Variants in SRGAP2C observed in about 807,000 individuals in gnomAD.
SRGAP2C encodes the protein SLIT-ROBO Rho GTPase activating protein 2C.
SRGAP2C carries 15 observed loss-of-function variants against 25.1 expected under a neutral mutation model. The observed-to-expected ratio is 0.60, with a 90% confidence interval of 0.40 to 0.92. The LOEUF (loss-of-function observed/expected upper bound fraction) is 0.92, where lower values mean the gene tolerates loss of function less well. SRGAP2C is among the 40% of genes least tolerant of loss of function. SRGAP2C has a pLI of 0.00. For missense variants in SRGAP2C, 144 were observed against 264.4 expected, an observed-to-expected ratio of 0.54 and a Z score of 3.16; for synonymous variants, 44 against 96.6, an observed-to-expected ratio of 0.46 and a Z score of 3.19.
At chr1:121,368,297 C>T (rs1437725596) in intron 5 of SRGAP2C, among the ~76,000 whole-genome samples, 1 of 121,264 alleles carries the variant, frequency 8.2e-6, no homozygotes, top group Non-Finnish European at 1.7e-5. Context: ...CCCAGCTACT[C>T]AGGAGGCTGA....
At chr1:121,353,038 C>T (rs587598795) in intron 4 of SRGAP2C, among the ~76,000 whole-genome samples, 119 of 150,282 alleles carry the variant, frequency 7.9e-4, no homozygotes, top group East Asian at 3.5e-3. Flanking sequence ...TGCAGTGAAA[C>T]GAGATCAAGC....
chr1:121,208,625 G>T (rs1242482584), intron 2 of SRGAP2C, among the ~76,000 whole-genome samples: 2 of 152,170 alleles, frequency 1.3e-5, no homozygotes, highest in Non-Finnish European at 1.5e-5. Flanking sequence ...ACAAAATGAG[G>T]TCATACCAAT....
chr1:121,223,926 G>T (rs1321951642), intron 2 of SRGAP2C, among the ~76,000 whole-genome samples: 2 of 115,112 alleles, frequency 1.7e-5, no homozygotes, highest in Non-Finnish European at 3.5e-5. Context: ...ATAATTAATA[G>T]TCTGGTCTAA....
At chr1:121,308,850 A>T (rs1160827430) in intron 3 of SRGAP2C, among the ~76,000 whole-genome samples, 1 of 143,960 alleles carries the variant, frequency 6.9e-6, no homozygotes, top group Non-Finnish European at 1.5e-5. Context: ...GAGGCAGGAG[A>T]ATCGCTTGAA....
At chr1:121,321,779 T>A (rs1174359394) in intron 3 of SRGAP2C, among the ~76,000 whole-genome samples, 1 of 152,128 alleles carries the variant, frequency 6.6e-6, no homozygotes, top group East Asian at 1.9e-4. Context: ...AGCCATCCTG[T>A]TTATTGACCC....
Position 121,391,060 on chromosome 1 carries a change from T to G in SRGAP2C, c.*3205T>G, listed in dbSNP as rs1553357654. ...TGCCTAAAAAAAAAAAAAGAAAGAT[T>G]AAAAAATAAATAAATCTGCTGGGCG... On this transcript the variant is annotated 3_prime_UTR_variant, in exon 10 of 10. Transcript: ENST00000367123. The G allele has an allele frequency of 7.7e-6, 1 of 129,266 alleles. No individual in the cohort carries two copies. The highest frequency in any genetic ancestry group is 2.9e-5 in the African/African-American group (1 of 34,310). 8.0% of individuals were successfully genotyped at this position (129,266 alleles called of 1,614,324 possible). A position where few individuals can be genotyped will look rare whatever the true frequency, so the allele number is the denominator to read the frequency against.
intron 2 of SRGAP2C, among the ~76,000 whole-genome samples, chr1:121,280,469 C>G (rs1657216234): frequency 6.7e-6 from 1 of 150,142 alleles, no homozygotes; most frequent in African/African-American, 2.4e-5. Context: ...TCTTCTTTGT[C>G]AAGCCATGCC....
intron 5 of SRGAP2C, among the ~76,000 whole-genome samples, chr1:121,370,325 A>C (rs1659446734): frequency 7.1e-6 from 1 of 141,150 alleles, no homozygotes; most frequent in South Asian, 2.3e-4. Flanking sequence ...CCCTATCCTC[A>C]GCTGAACCTT....
At chr1:121,209,674 A>T (rs1655202103) in intron 2 of SRGAP2C, among the ~76,000 whole-genome samples, 1 of 111,136 alleles carries the variant, frequency 9.0e-6, no homozygotes, top group Non-Finnish European at 1.8e-5. Flanking sequence ...TATGATGTGA[A>T]GTTTATGTAG....
At chr1:121,262,718 G>A (rs2101533869) in intron 2 of SRGAP2C, among the ~76,000 whole-genome samples, 1 of 144,786 alleles carries the variant, frequency 6.9e-6, no homozygotes, top group South Asian at 2.2e-4. Context: ...ATAATACAGT[G>A]TAAAATGCTC....
rs138314456 is a variant in SRGAP2C, at chr1:121,263,997, T to C, written c.68-20806T>C. Among the ~76,000 whole-genome samples the C allele has an allele frequency of 8.1e-4, 123 of 152,032 alleles. 3 individuals are homozygous for C. The highest frequency in any genetic ancestry group is 2.7e-3 in the African/African-American group (113 of 41,530). On this transcript the variant is annotated intron_variant, in intron 2 of 9. Transcript: ENST00000367123. The stretch of plus-strand genomic sequence containing the variant: ...TGGTTGAAAAGTGACCTTTAAATGG[T>C]GTGAGGTGGGTAGGCAGGGGATAAA...
intron 2 of SRGAP2C, among the ~76,000 whole-genome samples, chr1:121,199,694 C>G (rs1463682794): frequency 7.8e-6 from 1 of 128,706 alleles, no homozygotes; most frequent in Non-Finnish European, 1.6e-5. Flanking sequence ...ACTTGGGAGC[C>G]TGAGGCAGGA....
chr1:121,261,149 C>T (rs1656625942), intron 2 of SRGAP2C, among the ~76,000 whole-genome samples: 1 of 29,474 alleles, frequency 3.4e-5, no homozygotes, highest in Non-Finnish European at 6.1e-5. Context: ...CCTTATTTTG[C>T]CCAGGCTGGT....
At chr1:121,222,316 C>G (rs1481104093) in intron 2 of SRGAP2C, among the ~76,000 whole-genome samples, 7 of 152,074 alleles carry the variant, frequency 4.6e-5, no homozygotes, top group Admixed American at 1.3e-4. Context: ...GTTACTTCTT[C>G]CATTCCTTGG....
At chr1:121,320,473 AG>A (rs1461129286) in intron 3 of SRGAP2C, among the ~76,000 whole-genome samples, 2 of 114,902 alleles carry the variant, frequency 1.7e-5, no homozygotes, top group African/African-American at 6.8e-5. Flanking sequence ...TATATGAAAC[AG>A]ATCAAAGCAG....
chr1:121,338,960 T>C (rs1443109778), intron 4 of SRGAP2C, among the ~76,000 whole-genome samples: 5 of 150,778 alleles, frequency 3.3e-5, no homozygotes, highest in Non-Finnish European at 7.4e-5. Flanking sequence ...CGTGTTTTTT[T>C]CAAGATATTG....
chr1:121,364,243 A>T (rs2101649235), intron 4 of SRGAP2C, among the ~76,000 whole-genome samples: 1 of 147,270 alleles, frequency 6.8e-6, no homozygotes. Context: ...TAGCTCTCTT[A>T]GGTTTGGCAT....
At position 121,239,210 on chromosome 1, in the gene SRGAP2C, A is replaced by G. The variant is rs1471513362; in HGVS notation, c.68-45593A>G. The stretch of plus-strand genomic sequence containing the variant: ...TATATATATATATATATATATATAT[A>G]TATATATATATATATATACTATATA... On this transcript the variant is annotated intron_variant, in intron 2 of 9. Transcript: ENST00000367123. 6.0e-4 allele frequency among the ~76,000 whole-genome samples: 2 copies of G among 3,356 alleles called. 1 individual carries two copies. The highest frequency in any genetic ancestry group is 8.7e-4 in the Non-Finnish European group (2 of 2,310). 2.2% of individuals were successfully genotyped at this position (3,356 alleles called of 152,430 possible).
intron 3 of SRGAP2C, among the ~76,000 whole-genome samples, chr1:121,285,315 T>C (rs1657335152): frequency 6.7e-6 from 1 of 149,788 alleles, no homozygotes; most frequent in East Asian, 2.0e-4. Context: ...TTATTGTTAT[T>C]ATCCCCAATT....
Sources: gnomAD v4.1 joint callset for allele counts (sites outside exome capture counted in the v4.1 genomes callset) on GRCh38, gnomAD v4.1.1 for gene constraint, MANE v1.5 for transcripts, NCBI Gene and HGNC (gene_info 2026-07-23, HGNC 2026-07-21) for gene names.